CHD6: variants seen among roughly 807,000 people sequenced by gnomAD.
The protein encoded by CHD6 is chromodomain helicase DNA binding protein 6.
In CHD6, 50 loss-of-function variants were observed where a neutral mutation model predicts 276.9. That is an observed-to-expected ratio of 0.18 (90% CI 0.14 to 0.23). The LOEUF (loss-of-function observed/expected upper bound fraction) is 0.23. Ranked by LOEUF, CHD6 falls within the 10% of genes least tolerant of loss-of-function variation. The pLI, the probability that CHD6 is intolerant of heterozygous loss-of-function variation, is 1.00. For synonymous variants in CHD6, 1,173 were observed against 1,229.3 expected (o/e 0.95, Z 0.96); for missense variants, 2,564 against 3,365.8 (o/e 0.76, Z 5.89).
At position 41,447,961 on chromosome 20, in the gene CHD6, G is replaced by A; in HGVS notation, c.3694C>T (p.Arg1232Ter). The change falls in exon 24 of 37, where the codon CGA (arginine) becomes TGA (stop). Residue 1232 changes from arginine to a stop codon, truncating the protein, a stop_gained. Transcript: ENST00000373233. LOFTEE classifies it high-confidence loss of function. ...TTTAGGTAGTACAGCATCCGGACTC[G>A]CAAAAGTACTCTATGAAAGGTGAAC... ...LKQHCNKVLL[R>*]VRMLYYLKAE... 6.2e-7 allele frequency: 1 copy of A among 1,605,186 alleles called. No individual in the cohort carries two copies. Among genetic ancestry groups the A allele is most frequent in the Non-Finnish European group, 8.5e-7 (1 of 1,174,048 alleles).
At chr20:41,546,247 A>G (rs987654322) in intron 2 of CHD6, among the ~76,000 whole-genome samples, 2 of 152,160 alleles carry the variant, frequency 1.3e-5, no homozygotes, top group African/African-American at 4.8e-5. Flanking sequence ...TTCTCACAGT[A>G]TATCTGAAGA....
intron 27 of CHD6, among the ~76,000 whole-genome samples, chr20:41,431,196 C>A (rs1420766196): frequency 6.6e-6 from 1 of 152,106 alleles, no homozygotes; most frequent in Non-Finnish European, 1.5e-5. Context: ...GGGTCTGAGG[C>A]TTCATGCTGA....
intron 27 of CHD6, among the ~76,000 whole-genome samples, chr20:41,426,793 G>A (rs903873865): frequency 3.3e-5 from 5 of 152,116 alleles, no homozygotes; most frequent in Admixed American, 1.3e-4. Context: ...GAATTCCTTC[G>A]CAAATCCTTC....
intron 1 of CHD6, among the ~76,000 whole-genome samples, chr20:41,607,816 A>C (rs940395851): frequency 1.3e-5 from 2 of 152,180 alleles, no homozygotes; most frequent in East Asian, 3.8e-4. Context: ...CTTTAAAGCA[A>C]AGGTTTACTT....
chr20:41,439,887 T>A (rs755354299), intron 26 of CHD6, 113 bp downstream of exon 26: 101 of 1,091,336 alleles, frequency 9.3e-5, no homozygotes, highest in Middle Eastern at 9.1e-4. Context: ...TGGCAAGGTG[T>A]AGGGAGATGC....
Position 41,533,153 on chromosome 20 carries a change from C to G in CHD6, c.451G>C (p.Ala151Pro), listed in dbSNP as rs146930656. The G allele has an allele frequency of 6.2e-7, 1 of 1,614,028 alleles. No homozygotes were observed. The highest frequency in any genetic ancestry group is 1.7e-5 in the Admixed American group (1 of 60,014). Residue 151 changes from alanine to proline, a missense_variant, in exon 3 of 37, where the codon GCA becomes CCA. Around this residue, in one of 7 missense-constraint regions of CHD6, gnomAD observed 286 missense variants for 297.8 expected, o/e 0.96. Transcript: ENST00000373233. The part of the protein sequence containing the change: ...EHKEPKQKDG[A>P]KKARKPREAS... Reference sequence around the variant, plus strand: ...TCCCGGGGCTTCCGTGCCTTCTTTGCCCCATCTTTTTGCTTCGGCTCCTTG... The same window carrying G: ...TCCCGGGGCTTCCGTGCCTTCTTTGGCCCATCTTTTTGCTTCGGCTCCTTG...
intron 3 of CHD6, among the ~76,000 whole-genome samples, chr20:41,532,535 G>T (rs1047860791): frequency 2.0e-5 from 3 of 152,180 alleles, no homozygotes; most frequent in African/African-American, 7.2e-5. Context: ...CTTACACCCT[G>T]TGCATGTTAA....
intron 3 of CHD6, among the ~76,000 whole-genome samples, chr20:41,516,196 C>T (rs576052437): frequency 1.3e-5 from 2 of 151,802 alleles, no homozygotes; most frequent in Non-Finnish European, 2.9e-5. Flanking sequence ...CGGAGTCTCG[C>T]GCTGTTGCCC....
intron 27 of CHD6, among the ~76,000 whole-genome samples, chr20:41,431,069 G>A (rs2047523487): frequency 6.6e-6 from 1 of 151,884 alleles, no homozygotes; most frequent in Admixed American, 6.6e-5. Flanking sequence ...TTCTGACCTC[G>A]TGATCCACCC....
At chr20:41,540,713 G>A (rs534159121) in intron 2 of CHD6, among the ~76,000 whole-genome samples, 1 of 152,280 alleles carries the variant, frequency 6.6e-6, no homozygotes, top group East Asian at 1.9e-4. Context: ...CCTGCTGCTG[G>A]CTGGCTTTGG....
rs776976288 is a variant in CHD6, at chr20:41,499,363, G to A, written c.853-6C>T. 14 of 1,584,192 alleles carry A rather than the reference G, an allele frequency of 8.8e-6. No individual in the cohort carries two copies. Among genetic ancestry groups the A allele is most frequent in the Admixed American group, 1.8e-5 (1 of 56,484 alleles). On this transcript the variant is annotated splice_region_variant and splice_polypyrimidine_tract_variant and intron_variant, in intron 5 of 36. Coordinates refer to ENST00000373233, the MANE Select transcript of CHD6 (RefSeq NM_032221.5). ...GCATCATCTTCTGGAGGCTCCTGGG[G>A]ACAAAGATAAAAAAAAAAGAAAATT...
chr20:41,410,911 C>G lies in CHD6; in HGVS notation c.7251+1233G>C, dbSNP rs535032319. 3.7e-4 allele frequency among the ~76,000 whole-genome samples: 56 copies of G among 152,132 alleles called. No individual in the cohort carries two copies. In the Middle Eastern group the frequency reaches 0.01, roughly 28 times the overall value. ...TTCCCTTGATGGCGTATCTGAGACA[C>G]CGTGTGCCGAGACAAAAGGAGAAGG... On this transcript the variant is annotated intron_variant, in intron 36 of 36. Coordinates refer to ENST00000373233, the MANE Select transcript of CHD6 (RefSeq NM_032221.5).
rs188561619 is a variant in CHD6 at position 41,553,390 on chromosome 20, T to A, written c.-23-2030A>T. ...AATAACTCTTTGTCAGGCCCTGTCCTAAGTAACTGTTGGACATGCTCACAG... is the reference window on the plus strand; with the variant it reads ...AATAACTCTTTGTCAGGCCCTGTCCAAAGTAACTGTTGGACATGCTCACAG... On this transcript the variant is annotated intron_variant, in intron 1 of 36. Coordinates refer to ENST00000373233, the MANE Select transcript of CHD6 (RefSeq NM_032221.5). Among the ~76,000 whole-genome samples the A allele has an allele frequency of 1.5e-4, 23 of 152,362 alleles. No individual in the cohort carries two copies. In the East Asian group the frequency reaches 4.4e-3, roughly 29 times the overall value.
chr20:41,483,704 A>T (rs540849538), intron 15 of CHD6, among the ~76,000 whole-genome samples, 185 bp from the exon 16 acceptor site: 5 of 152,258 alleles, frequency 3.3e-5, no homozygotes, highest in African/African-American at 1.2e-4. Flanking sequence ...TGGCAGCAGG[A>T]GAGAATGCGG....
At chr20:41,498,795 ATGTATGTATGTATGTATGTGTGTG>A (rs1402606636) in intron 6 of CHD6, among the ~76,000 whole-genome samples, 83 of 79,554 alleles carry the variant, frequency 1.0e-3, no homozygotes, top group African/African-American at 8.5e-3. Flanking sequence ...GTATGTATGT[ATGTATGTATGTATGTATGTGTGTG>A]TGTGTGTGTG....
chr20:41,555,665 C>T (rs1268746284), intron 1 of CHD6, among the ~76,000 whole-genome samples: 2 of 150,004 alleles, frequency 1.3e-5, no homozygotes, highest in Non-Finnish European at 3.0e-5. Flanking sequence ...GGCGGCGGGG[C>T]AGAGGCGCTC....
chr20:41,531,415 T>C (rs1000295041), intron 3 of CHD6, among the ~76,000 whole-genome samples: 2 of 152,202 alleles, frequency 1.3e-5, no homozygotes, highest in African/African-American at 2.4e-5. Context: ...TATCCCAAAG[T>C]ACCACTTCAG....
intron 1 of CHD6, among the ~76,000 whole-genome samples, chr20:41,553,300 A>G (rs564198691): frequency 2.6e-5 from 4 of 152,366 alleles, no homozygotes; most frequent in South Asian, 4.1e-4. Flanking sequence ...AGAATGAATC[A>G]TAAGTGTTAG....
intron 1 of CHD6, among the ~76,000 whole-genome samples, chr20:41,566,165 ACT>A (rs2045353459): frequency 6.6e-6 from 1 of 151,948 alleles, no homozygotes; most frequent in African/African-American, 2.4e-5. Flanking sequence ...AATTTTCTAA[ACT>A]CTCTCAGATG....
Sources: allele counts gnomAD v4.1 joint callset (sites outside exome capture counted in the v4.1 genomes callset), GRCh38; gene constraint gnomAD v4.1.1; regional missense constraint gnomAD v4.1.1; transcripts MANE v1.5; gene names NCBI Gene and HGNC (gene_info 2026-07-23, HGNC 2026-07-21).